Variants in GREM2 observed in about 807,000 individuals in gnomAD.
GREM2 encodes gremlin-2.
A neutral mutation model predicts 14.2 loss-of-function variants in GREM2; 11 were observed. That is an observed-to-expected ratio of 0.78 (90% CI 0.49 to 1.28). GREM2 has a LOEUF of 1.28. Among genes scored for constraint, GREM2 ranks in the 50% most tolerant of loss-of-function variants. The pLI is 0.00. For synonymous variants in GREM2, 98 were observed against 97.6 expected (o/e 1.00, Z -0.02); for missense variants, 210 against 218.5 (o/e 0.96, Z 0.24).
intron 1 of GREM2, among the ~76,000 whole-genome samples, chr1:240,593,218 C>T (rs1354554019): frequency 6.6e-6 from 1 of 152,080 alleles, no homozygotes; most frequent in African/African-American, 2.4e-5. Flanking sequence ...ATGTCATCTC[C>T]TTTGTAAAGC....
At chr1:240,550,870 C>T (rs545170700) in intron 1 of GREM2, among the ~76,000 whole-genome samples, 2 of 152,208 alleles carry the variant, frequency 1.3e-5, no homozygotes, top group Non-Finnish European at 2.9e-5. Flanking sequence ...CAAACATCCT[C>T]AGCCTACATC....
At chr1:240,496,703 A>G (rs1390088021) in intron 1 of GREM2, among the ~76,000 whole-genome samples, 4 of 152,186 alleles carry the variant, frequency 2.6e-5, no homozygotes, top group Non-Finnish European at 5.9e-5. Context: ...CCTGGTGTAC[A>G]GTAGGCACTC....
chr1:240,610,521 CAAAA>C (rs913449688), intron 1 of GREM2, among the ~76,000 whole-genome samples: 2 of 151,972 alleles, frequency 1.3e-5, no homozygotes, highest in Non-Finnish European at 2.9e-5. Flanking sequence ...AACAAACAAA[CAAAA>C]AAAGGTCGAT....
Position 240,608,821 on chromosome 1 carries a change from G to C in GREM2, c.-2+3063C>G, listed in dbSNP as rs1387207895. Among the ~76,000 whole-genome samples, 4 of 152,264 alleles carry C rather than the reference G, an allele frequency of 2.6e-5. No individual in the cohort carries two copies. The Middle Eastern group carries it at 0.01, about 388-fold the overall frequency. ...TAGAGTTGGCTCTCCAAAGGGAAGA[G>C]GGCACTTCAAGTTGGAGGGAGATTT... On this transcript the variant is annotated intron_variant, in intron 1 of 1. Transcript: ENST00000318160.
At chr1:240,563,490 T>C (rs1679115082) in intron 1 of GREM2, among the ~76,000 whole-genome samples, 1 of 152,168 alleles carries the variant, frequency 6.6e-6, no homozygotes, top group Non-Finnish European at 1.5e-5. Context: ...ACAGAATAGC[T>C]GAGGATGGAA....
chr1:240,491,193 C>G lies in GREM2; in HGVS notation c.*1776G>C, dbSNP rs1467786609. 1 of 152,292 alleles carries G rather than the reference C, an allele frequency of 6.6e-6. No individual in the cohort carries two copies. The highest frequency in any genetic ancestry group is 1.5e-5 in the Non-Finnish European group (1 of 68,082). 9.4% of individuals were successfully genotyped at this position (152,292 alleles called of 1,614,324 possible). A position where few individuals can be genotyped will look rare whatever the true frequency, so the allele number is the denominator to read the frequency against. On this transcript the variant is annotated 3_prime_UTR_variant, in exon 2 of 2. Transcript: ENST00000318160. ...ATAGATTCACCAACCCACCCCACCC[C>G]AATCCTTGCTCTTCAAGTGAATGTC...
At chr1:240,595,559 T>C (rs1024028236) in intron 1 of GREM2, among the ~76,000 whole-genome samples, 31 of 152,232 alleles carry the variant, frequency 2.0e-4, no homozygotes, top group African/African-American at 7.5e-4. Context: ...GAAGGTGTTA[T>C]TCCCTAATAA....
At chr1:240,592,771 C>A (rs563656534) in intron 1 of GREM2, among the ~76,000 whole-genome samples, 1 of 152,160 alleles carries the variant, frequency 6.6e-6, no homozygotes, top group African/African-American at 2.4e-5. Flanking sequence ...CTGCCGCATG[C>A]ACTGGCCTGT....
chr1:240,555,928 T>C (rs559531640), intron 1 of GREM2, among the ~76,000 whole-genome samples: 1 of 152,370 alleles, frequency 6.6e-6, no homozygotes, highest in African/African-American at 2.4e-5. Flanking sequence ...AGCCTTTGGC[T>C]CTTATTTTCC....
chr1:240,590,460 G>A (rs73115515), intron 1 of GREM2, among the ~76,000 whole-genome samples: 1,617 of 139,972 alleles, frequency 0.012, 29 homozygotes, highest in African/African-American at 0.039. Context: ...ATAGAGTTTC[G>A]TTCTTATGGT....
intron 1 of GREM2, chr1:240,530,913 T>C (rs1252716739): frequency 4.0e-5 from 6 of 148,408 alleles, no homozygotes; most frequent in Non-Finnish European, 7.5e-5. Context: ...GAATGGAAAA[T>C]CACAATGCTT....
intron 1 of GREM2, among the ~76,000 whole-genome samples, chr1:240,522,925 A>G (rs1678135012): frequency 6.6e-6 from 1 of 152,176 alleles, no homozygotes; most frequent in South Asian, 2.1e-4. Context: ...CCTTCTTAAA[A>G]AAAGATTCAA....
intron 1 of GREM2, among the ~76,000 whole-genome samples, chr1:240,534,692 C>CAAAAAAA (rs5782153): frequency 8.7e-6 from 1 of 115,448 alleles, no homozygotes. Context: ...GACTCCATCT[C>CAAAAAAA]AAAAAAAAAA....
Position 240,543,810 on chromosome 1 carries a change from T to C in GREM2, c.-1-50334A>G, listed in dbSNP as rs1292884080. ...TGATATACAGGCCTAACGCTATTTTTGACACTTGATATCTTAAGAGAAATG... is the reference window on the plus strand; with the variant it reads ...TGATATACAGGCCTAACGCTATTTTCGACACTTGATATCTTAAGAGAAATG... On this transcript the variant is annotated intron_variant, in intron 1 of 1. Transcript: ENST00000318160. This position sits in a 1 kb window ranked among gnomAD's most constrained non-coding sequence, Gnocchi z 6.4. Among the ~76,000 whole-genome samples, 1 of 152,208 alleles carries C rather than the reference T, an allele frequency of 6.6e-6. No individual in the cohort carries two copies. The highest frequency in any genetic ancestry group is 2.1e-4 in the South Asian group (1 of 4,836).
intron 1 of GREM2, among the ~76,000 whole-genome samples, chr1:240,599,267 CAA>C (rs11413068): frequency 1.2e-4 from 14 of 119,068 alleles, no homozygotes; most frequent in Non-Finnish European, 1.2e-4. Flanking sequence ...GACTCTGTCT[CAA>C]AAAAAAAAAA....
intron 1 of GREM2, among the ~76,000 whole-genome samples, chr1:240,544,841 C>G (rs942652572): frequency 1.7e-4 from 26 of 152,154 alleles, no homozygotes; most frequent in African/African-American, 6.3e-4. Context: ...AACTATCAGG[C>G]CTCTCTGGAT....
At position 240,493,140 on chromosome 1, in the gene GREM2, C is replaced by T. The variant is rs1199051572; in HGVS notation, c.336G>A (p.Lys112=). The T allele has an allele frequency of 1.9e-6, 3 of 1,614,074 alleles. No individual in the cohort carries two copies. The highest frequency in any genetic ancestry group is 2.5e-6 in the Non-Finnish European group (3 of 1,180,026). Residue 112 remains lysine (K), a synonymous_variant, in exon 2 of 2, where the codon AAG becomes AAA. Transcript: ENST00000318160. ...CGCAGGACTGGAAGGACTCCTCCTC[C>T]TTCTTCACGTGCCGCGGGATGTAGA... The part of the protein sequence containing the change: ...NSFYIPRHVK[K]EEESFQSCAF...
rs149810620 is a variant in GREM2, at chr1:240,511,491, C to T, written c.-1-18015G>A. On this transcript the variant is annotated intron_variant, in intron 1 of 1. Coordinates refer to ENST00000318160, the MANE Select transcript of GREM2 (RefSeq NM_022469.4). Reference sequence around the variant, plus strand: ...TGAGGCCAGGCCTGTTGGCTCACGCCTGTAATCCCAGCACTTTGGGAAGCC... The same window carrying T: ...TGAGGCCAGGCCTGTTGGCTCACGCTTGTAATCCCAGCACTTTGGGAAGCC... Among the ~76,000 whole-genome samples, 346 of 152,288 alleles carry T rather than the reference C, an allele frequency of 2.3e-3. 1 individual carries two copies. Among genetic ancestry groups the T allele is most frequent in the African/African-American group, 7.8e-3 (326 of 41,552 alleles).
At chr1:240,520,999 T>G (rs1283716113) in intron 1 of GREM2, among the ~76,000 whole-genome samples, 1 of 151,444 alleles carries the variant, frequency 6.6e-6, no homozygotes, top group African/African-American at 2.4e-5. Context: ...CAGTATCCCA[T>G]CCTCTGGTTA....
Sources: allele counts gnomAD v4.1 joint callset (sites outside exome capture counted in the v4.1 genomes callset), GRCh38; gene constraint gnomAD v4.1.1; non-coding constraint Gnocchi (gnomAD v3.1); transcripts MANE v1.5; gene names NCBI Gene and HGNC (gene_info 2026-07-23, HGNC 2026-07-21).